The following PIP5K1C variants were observed in gnomAD, a reference collection of about 807,000 sequenced individuals.
PIP5K1C encodes the protein phosphatidylinositol-4-phosphate 5-kinase type 1 gamma, also known as phosphatidylinositol 4-phosphate 5-kinase type-1 gamma.
A neutral mutation model predicts 80.1 loss-of-function variants in PIP5K1C; 45 were observed. The observed-to-expected ratio is 0.56, with a 90% CI of 0.44 to 0.72. The LOEUF (loss-of-function observed/expected upper bound fraction) is 0.72, where lower values mean the gene tolerates loss of function less well. PIP5K1C is among the 30% of genes least tolerant of loss of function. PIP5K1C has a pLI of 0.00. For synonymous variants in PIP5K1C, 498 were observed against 420.1 expected (o/e 1.19, Z -2.27); for missense variants, 753 against 954.6 (o/e 0.79, Z 2.78).
In PIP5K1C at chr19:3,688,654, C is replaced by T. The variant is rs117264615; in HGVS notation, c.94+11643G>A. ...TGTCCTCAGGTGGTTTCGTGTCCCT[C>T]AGGGCTAGAGACCCGGATGAGCCCC... On this transcript the variant is annotated intron_variant, in intron 1 of 17. Coordinates refer to ENST00000335312, the MANE Select transcript of PIP5K1C (RefSeq NM_012398.3). This position sits in a 1 kb window ranked among gnomAD's most constrained non-coding sequence, Gnocchi z 5.3. Among the ~76,000 whole-genome samples the T allele has an allele frequency of 4.1e-3, 621 of 152,258 alleles. 15 individuals are homozygous for T. Among genetic ancestry groups the T allele is most frequent in the East Asian group, 0.04 (206 of 5,172 alleles).
intron 3 of PIP5K1C, among the ~76,000 whole-genome samples, chr19:3,663,722 C>T (rs1346175490): frequency 6.6e-6 from 1 of 152,226 alleles, no homozygotes; most frequent in African/African-American, 2.4e-5. Flanking sequence ...TCAGAGACAA[C>T]AATCACGAGT....
rs2036263666 is a variant in PIP5K1C at position 3,700,420 on chromosome 19, C to G, written c.-30G>C. ...GCGCGCGGACGGCGGCGGGGGCGCC[C>G]GAGGGGGACCCGAGCTGCGACCGCC... On this transcript the variant is annotated 5_prime_UTR_variant, in exon 1 of 18. Transcript: ENST00000335312. The G allele has an allele frequency of 1.6e-5, 17 of 1,059,894 alleles. No homozygotes were observed. Among genetic ancestry groups the G allele is most frequent in the South Asian group, 1.6e-4 (4 of 25,548 alleles). The allele number at this position is 1,059,894 out of a possible 1,614,324, so 65.7% of individuals were successfully genotyped here.
intron 16 of PIP5K1C, among the ~76,000 whole-genome samples, chr19:3,635,251 G>C (rs139419198): frequency 6.6e-6 from 1 of 152,234 alleles, no homozygotes; most frequent in African/African-American, 2.4e-5. Flanking sequence ...TACAGCATTA[G>C]AAACGGGGAT....
rs1233119577 is a variant in PIP5K1C, at chr19:3,637,942, A to T, written c.1920+942T>A. 3.3e-6 allele frequency: 5 copies of T among 1,534,866 alleles called. No individual in the cohort carries two copies. In the East Asian group the frequency reaches 7.3e-5, roughly 23 times the overall value. Reference sequence around the variant, plus strand: ...GACGACGTGCGGTGGGTAGGGGCACAGGCACGCGGCCCGTCCCTCCCTTCT... The same window carrying T: ...GACGACGTGCGGTGGGTAGGGGCACTGGCACGCGGCCCGTCCCTCCCTTCT... On this transcript the variant is annotated intron_variant, in intron 16 of 17. Transcript: ENST00000335312. The surrounding 1 kb of genome is among the most constrained non-coding windows in gnomAD (Gnocchi z 7.0).
chr19:3,693,414 A>T (rs1379148795), intron 1 of PIP5K1C, among the ~76,000 whole-genome samples: 1 of 152,022 alleles, frequency 6.6e-6, no homozygotes, highest in African/African-American at 2.4e-5. Context: ...GGTGGCGGGG[A>T]GGCAGGTGCA....
At chr19:3,668,642 G>C (rs2035099678) in intron 1 of PIP5K1C, among the ~76,000 whole-genome samples, 1 of 152,224 alleles carries the variant, frequency 6.6e-6, no homozygotes. Context: ...AGCGACTGCA[G>C]GGATCGCACG....
chr19:3,655,566 G>A (rs1488467874), intron 6 of PIP5K1C, among the ~76,000 whole-genome samples: 1 of 152,266 alleles, frequency 6.6e-6, no homozygotes, highest in Non-Finnish European at 1.5e-5. Flanking sequence ...GGTCACAGCA[G>A]CTCGCTGCCA....
At chr19:3,670,772 G>A (rs1278183822) in intron 1 of PIP5K1C, among the ~76,000 whole-genome samples, 1 of 152,240 alleles carries the variant, frequency 6.6e-6, no homozygotes, top group Non-Finnish European at 1.5e-5. Context: ...CAGCGGGTGG[G>A]CCCTGGAGGG....
intron 1 of PIP5K1C, among the ~76,000 whole-genome samples, chr19:3,683,892 C>A (rs1172990691): frequency 7.0e-6 from 1 of 143,480 alleles, no homozygotes; most frequent in Admixed American, 6.8e-5. Context: ...CTCCCCCACA[C>A]TGGAGCCCCT....
In PIP5K1C at chr19:3,636,501, C is replaced by A. The variant is rs368288425; in HGVS notation, c.1920+2383G>T. 1.0e-5 allele frequency: 10 copies of A among 985,566 alleles called. 1 individual carries two copies. The highest frequency in any genetic ancestry group is 1.1e-4 in the East Asian group (1 of 8,816). The allele number at this position is 985,566 out of a possible 1,614,324, so 61.1% of individuals were successfully genotyped here. A position where few individuals can be genotyped will look rare whatever the true frequency, so the allele number is the denominator to read the frequency against. ...CACCCCCCTCCGTAGGCGGCCTCTG[C>A]GAACTGCTCCCTGCCTATGGTGGGG... On this transcript the variant is annotated intron_variant, in intron 16 of 17. Transcript: ENST00000335312.
intron 1 of PIP5K1C, among the ~76,000 whole-genome samples, chr19:3,699,453 G>T (rs1208572084): frequency 6.6e-6 from 1 of 152,160 alleles, no homozygotes; most frequent in Non-Finnish European, 1.5e-5. Context: ...AGGAAGCTTC[G>T]GGAGGCCTGG....
chr19:3,651,708 A>G (rs2034457439), intron 8 of PIP5K1C, 118 bp downstream of exon 8: 8 of 1,011,550 alleles, frequency 7.9e-6, no homozygotes, highest in South Asian at 4.0e-5. Context: ...TCTGTCTGTC[A>G]CCCACGCATG....
rs977613755 is a variant in PIP5K1C, at chr19:3,645,120, G to A, written c.1345+854C>T. Among the ~76,000 whole-genome samples the A allele has an allele frequency of 2.0e-5, 3 of 152,216 alleles. No individual in the cohort carries two copies. The South Asian group carries it at 6.2e-4, about 31-fold the overall frequency. Reference sequence around the variant, plus strand: ...GAGGCCGTGAGCAAGTGTGCAGGCCGGGAAGAGCAGCCTGCCTGCAAGCGC... The same window carrying A: ...GAGGCCGTGAGCAAGTGTGCAGGCCAGGAAGAGCAGCCTGCCTGCAAGCGC... On this transcript the variant is annotated intron_variant, in intron 11 of 17. Coordinates refer to ENST00000335312, the MANE Select transcript of PIP5K1C (RefSeq NM_012398.3).
intron 1 of PIP5K1C, among the ~76,000 whole-genome samples, chr19:3,698,890 T>C (rs1314878467): frequency 6.6e-6 from 1 of 151,432 alleles, no homozygotes; most frequent in Non-Finnish European, 1.5e-5. Context: ...ATTTCAGGGA[T>C]GGGCAGAGAT....
intron 1 of PIP5K1C, among the ~76,000 whole-genome samples, chr19:3,683,568 C>T (rs2035656051): frequency 6.6e-6 from 1 of 152,230 alleles, no homozygotes; most frequent in African/African-American, 2.4e-5. Flanking sequence ...TTACTGCTCC[C>T]ATTATGCAGA....
At position 3,671,834 on chromosome 19, in the gene PIP5K1C, T is replaced by C. The variant is rs1306865163; in HGVS notation, c.95-4481A>G. Among the ~76,000 whole-genome samples the C allele has an allele frequency of 7.9e-5, 12 of 152,332 alleles. No homozygotes were observed. In the East Asian group the frequency reaches 1.5e-3, roughly 20 times the overall value. ...GGCACAGAGCCTGCCGTGACCCCCA[T>C]AGGGGGCTGTCATGACGGTGAGCTC... On this transcript the variant is annotated intron_variant, in intron 1 of 17. Coordinates refer to ENST00000335312, the MANE Select transcript of PIP5K1C (RefSeq NM_012398.3).
At chr19:3,687,443 C>T (rs996224890) in intron 1 of PIP5K1C, among the ~76,000 whole-genome samples, 5 of 152,052 alleles carry the variant, frequency 3.3e-5, no homozygotes, top group African/African-American at 1.2e-4. Flanking sequence ...AGAAAGGACC[C>T]ACAGGTGCAG....
chr19:3,637,542 C>T lies in PIP5K1C; in HGVS notation c.1920+1342G>A, dbSNP rs781205338. 1.8e-5 allele frequency: 28 copies of T among 1,520,858 alleles called. No homozygotes were observed. The highest frequency in any genetic ancestry group is 1.7e-4 in the Middle Eastern group (1 of 5,938). 94.2% of individuals were successfully genotyped at this position (1,520,858 alleles called of 1,614,324 possible). On this transcript the variant is annotated intron_variant, in intron 16 of 17. Coordinates refer to ENST00000335312, the MANE Select transcript of PIP5K1C (RefSeq NM_012398.3). This position sits in a 1 kb window ranked among gnomAD's most constrained non-coding sequence, Gnocchi z 7.0. ...GCCGGCTGCGGTCACTTACAGTCCC[C>T]GAGGCGCTCAGCGTCACGGCCCGCA...
chr19:3,659,233 A>G (rs2145476887), intron 5 of PIP5K1C, among the ~76,000 whole-genome samples: 1 of 152,306 alleles, frequency 6.6e-6, no homozygotes, highest in South Asian at 2.1e-4. Flanking sequence ...ACACGGCCAC[A>G]CTCACACCAC....
Sources: gnomAD v4.1 joint callset for allele counts (sites outside exome capture counted in the v4.1 genomes callset) on GRCh38, gnomAD v4.1.1 for gene constraint, Gnocchi (gnomAD v3.1) non-coding constraint, MANE v1.5 for transcripts, NCBI Gene and HGNC (gene_info 2026-07-23, HGNC 2026-07-21) for gene names.